Variants in GALNTL6 observed in about 807,000 individuals in gnomAD.
GALNTL6 encodes polypeptide N-acetylgalactosaminyltransferase like 6.
A neutral mutation model predicts 73.7 loss-of-function variants in GALNTL6; 46 were observed. That is an observed-to-expected ratio of 0.62 (90% CI 0.49 to 0.80). The LOEUF (loss-of-function observed/expected upper bound fraction) is 0.80, where lower values mean the gene tolerates loss of function less well. GALNTL6 is among the 30% of genes least tolerant of loss of function. The pLI, the probability that GALNTL6 is intolerant of heterozygous loss-of-function variation, is 0.00. For synonymous variants in GALNTL6, 259 were observed against 263.7 expected (o/e 0.98, Z 0.17); for missense variants, 604 against 755.0 (o/e 0.80, Z 2.34).
intron 5 of GALNTL6, among the ~76,000 whole-genome samples, chr4:172,517,293 AGAGG>A (rs1286074434): frequency 6.6e-6 from 1 of 151,860 alleles, no homozygotes; most frequent in Admixed American, 6.6e-5. Context: ...CACAAGAAAT[AGAGG>A]GAGTTTGAGC....
At chr4:172,691,305 A>G (rs928781585) in intron 5 of GALNTL6, among the ~76,000 whole-genome samples, 1 of 152,204 alleles carries the variant, frequency 6.6e-6, no homozygotes, top group Non-Finnish European at 1.5e-5. Flanking sequence ...ATTGATAAAT[A>G]AGGTTGAGAA....
intron 10 of GALNTL6, among the ~76,000 whole-genome samples, chr4:172,977,920 G>C (rs1454374639): frequency 6.6e-6 from 1 of 152,082 alleles, no homozygotes; most frequent in African/African-American, 2.4e-5. Flanking sequence ...GCTCACTGCA[G>C]CCTCTGCCTC....
intron 2 of GALNTL6, among the ~76,000 whole-genome samples, chr4:171,864,196 T>A (rs971182270): frequency 6.6e-6 from 1 of 152,244 alleles, no homozygotes; most frequent in African/African-American, 2.4e-5. Context: ...CTTAATATCT[T>A]ATCTTTAAAG....
At chr4:171,937,910 G>T (rs1272907057) in intron 2 of GALNTL6, among the ~76,000 whole-genome samples, 1 of 152,110 alleles carries the variant, frequency 6.6e-6, no homozygotes, top group African/African-American at 2.4e-5. Flanking sequence ...ACAACAATCT[G>T]TCCGTGAATC....
At chr4:172,357,037 T>C (rs1041493917) in intron 5 of GALNTL6, among the ~76,000 whole-genome samples, 3 of 152,160 alleles carry the variant, frequency 2.0e-5, no homozygotes, top group African/African-American at 7.2e-5. Flanking sequence ...CATTTCACTA[T>C]GTGTATACCC....
intron 5 of GALNTL6, among the ~76,000 whole-genome samples, chr4:172,486,450 T>A (rs2111492649): frequency 6.6e-6 from 1 of 152,326 alleles, no homozygotes; most frequent in South Asian, 2.1e-4. Flanking sequence ...TATACTTATA[T>A]CACTCCACAT....
chr4:172,552,837 T>TAAAAAAAAAAAAAAAAAAAAAAAAAA (rs397933315), intron 5 of GALNTL6, among the ~76,000 whole-genome samples: 1 of 80,408 alleles, frequency 1.2e-5, no homozygotes, highest in African/African-American at 5.9e-5. Flanking sequence ...GTAATTGCAG[T>TAAAAAAAAAAAAAAAAAAAAAAAAAA]AAAAAAAAAA....
chr4:172,875,092 C>T (rs1008416515), intron 7 of GALNTL6, among the ~76,000 whole-genome samples: 7 of 152,154 alleles, frequency 4.6e-5, no homozygotes, highest in Non-Finnish European at 1.0e-4. Context: ...GGTCACATCC[C>T]TGGGGACTCT....
intron 5 of GALNTL6, among the ~76,000 whole-genome samples, chr4:172,793,246 T>A (rs896129935): frequency 6.6e-6 from 1 of 152,206 alleles, no homozygotes; most frequent in African/African-American, 2.4e-5. Context: ...TTTATTCTCA[T>A]CTTAATCATG....
intron 5 of GALNTL6, among the ~76,000 whole-genome samples, chr4:172,758,998 T>C (rs1737913822): frequency 6.6e-6 from 1 of 152,246 alleles, no homozygotes; most frequent in Admixed American, 6.5e-5. Flanking sequence ...CTTTTCCTGA[T>C]TCTTCTCTAT....
chr4:172,149,451 C>A (rs1401785546), intron 2 of GALNTL6, among the ~76,000 whole-genome samples: 1 of 152,070 alleles, frequency 6.6e-6, no homozygotes, highest in Non-Finnish European at 1.5e-5. Context: ...CTCTCTAGGT[C>A]CCTTTTCTCC....
intron 5 of GALNTL6, among the ~76,000 whole-genome samples, chr4:172,395,054 C>T (rs1374876677): frequency 6.6e-6 from 1 of 152,264 alleles, no homozygotes; most frequent in South Asian, 2.1e-4. Flanking sequence ...ATTGATACTA[C>T]AAAGCACCTG....
At chr4:172,926,549 T>C (rs1748070656) in intron 8 of GALNTL6, among the ~76,000 whole-genome samples, 1 of 152,170 alleles carries the variant, frequency 6.6e-6, no homozygotes, top group Non-Finnish European at 1.5e-5. Flanking sequence ...TGACCCCACA[T>C]CTTGTCCTCA....
chr4:172,310,289 A>G (rs979334273), intron 3 of GALNTL6, among the ~76,000 whole-genome samples: 2 of 151,334 alleles, frequency 1.3e-5, no homozygotes, highest in African/African-American at 4.9e-5. Context: ...TTTTTTTAAT[A>G]TGACAGGGTC....
At chr4:172,819,740 A>G (rs975943786) in intron 7 of GALNTL6, among the ~76,000 whole-genome samples, 10 of 152,222 alleles carry the variant, frequency 6.6e-5, no homozygotes, top group African/African-American at 2.4e-4. Context: ...TCAGGCTCAT[A>G]GAGGTTAAGC....
chr4:172,325,704 T>C lies in GALNTL6; in HGVS notation c.386+13952T>C, dbSNP rs146243239. On this transcript the variant is annotated intron_variant, in intron 4 of 12. Coordinates refer to ENST00000506823, the MANE Select transcript of GALNTL6 (RefSeq NM_001034845.3). ...GAAATGGTAAAATACTCATTTTAAA[T>C]ACACTGGAAAAATGAAGTATATATT... is the stretch of plus-strand genomic sequence containing the variant. Among the ~76,000 whole-genome samples the C allele has an allele frequency of 8.6e-4, 131 of 151,992 alleles. 2 individuals are homozygous for C. The highest frequency in any genetic ancestry group is 4.4e-5 in the Non-Finnish European group (3 of 67,806).
In GALNTL6 at chr4:172,505,084, T is replaced by G. The variant is rs1734373695; in HGVS notation, c.553+156395T>G. ...ATTACTTTTTTCCCATATCTCAAAT[T>G]TATGAGTAATTTTTCAAATAATTAT... On this transcript the variant is annotated intron_variant, in intron 5 of 12. Coordinates refer to ENST00000506823, the MANE Select transcript of GALNTL6 (RefSeq NM_001034845.3). Among the ~76,000 whole-genome samples the G allele has an allele frequency of 3.6e-5, 2 of 54,922 alleles. 1 individual carries two copies. The highest frequency in any genetic ancestry group is 9.1e-5 in the African/African-American group (2 of 22,084). The allele number at this position is 54,922 out of a possible 152,430, so 36.0% of individuals were successfully genotyped here.
At chr4:172,009,348 G>T (rs553103990) in intron 2 of GALNTL6, among the ~76,000 whole-genome samples, 4 of 152,176 alleles carry the variant, frequency 2.6e-5, no homozygotes, top group African/African-American at 9.6e-5. Context: ...GTTGCTCCTA[G>T]CCTGGCATGG....
intron 5 of GALNTL6, among the ~76,000 whole-genome samples, chr4:172,383,366 T>C (rs549796175): frequency 6.6e-6 from 1 of 152,310 alleles, no homozygotes; most frequent in East Asian, 1.9e-4. Context: ...TTTTTTGTGC[T>C]ATTATAAATA....
Sources: allele counts gnomAD v4.1 joint callset (sites outside exome capture counted in the v4.1 genomes callset), GRCh38; gene constraint gnomAD v4.1.1; transcripts MANE v1.5; gene names NCBI Gene and HGNC (gene_info 2026-07-23, HGNC 2026-07-21).